Variants in RBFOX1 observed in about 807,000 individuals in gnomAD.
RBFOX1 encodes RNA binding protein fox-1 homolog 1.
Under a neutral mutation model 57.7 loss-of-function variants are expected in RBFOX1, and 8 were observed. That is an observed-to-expected ratio of 0.14 (90% CI 0.08 to 0.25). RBFOX1 has a LOEUF of 0.25. Among genes scored for constraint, RBFOX1 ranks in the 10% least tolerant of loss-of-function variants. The pLI, the probability that RBFOX1 is intolerant of heterozygous loss-of-function variation, is 1.00. For synonymous variants in RBFOX1, 326 were observed against 222.4 expected (o/e 1.47, Z -4.15); for missense variants, 611 against 548.5 (o/e 1.11, Z -1.14).
intron 3 of RBFOX1, among the ~76,000 whole-genome samples, chr16:5,793,328 T>C (rs2054767982): frequency 6.6e-6 from 1 of 152,242 alleles, no homozygotes; most frequent in South Asian, 2.1e-4. Flanking sequence ...TGTTTCTGTC[T>C]TTTCTTGTTT....
chr16:5,897,202 AT>A (rs1356926502), intron 4 of RBFOX1, among the ~76,000 whole-genome samples: 1 of 147,748 alleles, frequency 6.8e-6, no homozygotes, highest in African/African-American at 2.5e-5. Context: ...CGCCCGGCTA[AT>A]TTTTTCTATT....
rs57154832 is a variant in RBFOX1 at position 6,242,629 on chromosome 16, AACAC to A, written c.-126-74334_-126-74331del. Among the ~76,000 whole-genome samples the A allele has an allele frequency of 9.5e-4, 135 of 141,630 alleles. 1 individual carries two copies. The highest frequency in any genetic ancestry group is 3.3e-3 in the African/African-American group (125 of 38,192). 92.9% of individuals were successfully genotyped at this position (141,630 alleles called of 152,430 possible). On this transcript the variant is annotated intron_variant, in intron 1 of 15. Transcript: ENST00000550418. ...GTTTGAGAGAGGATAATTTATTGCA[AACAC>A]ACACACACACACACACACACACACA...
chr16:6,655,113 C>G (rs1040423861), intron 3 of RBFOX1, among the ~76,000 whole-genome samples: 1 of 151,626 alleles, frequency 6.6e-6, no homozygotes, highest in Non-Finnish European at 1.5e-5. Flanking sequence ...GTGGCTCATG[C>G]CTATAATCCC....
At chr16:5,294,177 T>G (rs1482117968) in intron 1 of RBFOX1, among the ~76,000 whole-genome samples, 1 of 152,068 alleles carries the variant, frequency 6.6e-6, no homozygotes, top group Admixed American at 6.6e-5. Context: ...TGCAGTGAGC[T>G]GAGATCACAC....
At chr16:7,083,362 C>G (rs1025028891) in intron 4 of RBFOX1, among the ~76,000 whole-genome samples, 9 of 151,934 alleles carry the variant, frequency 5.9e-5, no homozygotes, top group African/African-American at 1.9e-4. Context: ...ACCACATGTT[C>G]AAGCAGGTGG....
rs79297587 is a variant in RBFOX1 at position 5,774,670 on chromosome 16, C to T, written c.319-92633C>T. 7.1e-3 allele frequency among the ~76,000 whole-genome samples: 1,081 copies of T among 152,252 alleles called. 12 individuals are homozygous for T. The highest frequency in any genetic ancestry group is 0.025 in the African/African-American group (1,019 of 41,546). ...TACCAGCAGCATTTCCTTTCCTGTACACCAGAGGATTTTTTATTGGTTTAG... is the reference window on the plus strand; with the variant it reads ...TACCAGCAGCATTTCCTTTCCTGTATACCAGAGGATTTTTTATTGGTTTAG... On this transcript the variant is annotated intron_variant, in intron 3 of 19. Transcript: ENST00000641259.
At position 5,641,895 on chromosome 16, in the gene RBFOX1, C is replaced by T. The variant is rs531512976; in HGVS notation, c.318+42934C>T. Among the ~76,000 whole-genome samples the T allele has an allele frequency of 2.0e-5, 3 of 152,218 alleles. No individual in the cohort carries two copies. The South Asian group carries it at 6.2e-4, about 32-fold the overall frequency. ...TTCCTAGGATGCATAGGAGTTTGCT[C>T]AGGAGAAGGCTATGATGCATATGTC... On this transcript the variant is annotated intron_variant, in intron 3 of 19. Transcript: ENST00000641259.
chr16:5,962,954 C>T (rs563717954), intron 4 of RBFOX1, among the ~76,000 whole-genome samples: 1 of 151,402 alleles, frequency 6.6e-6, no homozygotes, highest in Non-Finnish European at 1.5e-5. Flanking sequence ...TCTTCTAATC[C>T]TTGGGAAGTA....
intron 3 of RBFOX1, among the ~76,000 whole-genome samples, chr16:6,878,572 C>T (rs917801699): frequency 3.3e-5 from 5 of 152,156 alleles, no homozygotes; most frequent in Admixed American, 2.6e-4. Flanking sequence ...TCACATGGCG[C>T]ATCCTGACTG....
intron 4 of RBFOX1, among the ~76,000 whole-genome samples, chr16:7,306,121 T>C (rs1375933962): frequency 6.6e-6 from 1 of 152,350 alleles, no homozygotes; most frequent in East Asian, 1.9e-4. Flanking sequence ...GCAAGTAGAA[T>C]GCTATAGGTA....
intron 2 of RBFOX1, among the ~76,000 whole-genome samples, chr16:6,369,562 T>C (rs2090140808): frequency 6.6e-6 from 1 of 152,182 alleles, no homozygotes; most frequent in African/African-American, 2.4e-5. Flanking sequence ...AGTGAAGAGA[T>C]CTTTCCATGT....
intron 3 of RBFOX1, among the ~76,000 whole-genome samples, chr16:6,749,250 G>A (rs892131807): frequency 6.6e-6 from 1 of 152,136 alleles, no homozygotes; most frequent in Non-Finnish European, 1.5e-5. Flanking sequence ...TCCCATCTGA[G>A]CCTGGGTTCC....
At chr16:7,288,860 T>G (rs143862341) in intron 4 of RBFOX1, among the ~76,000 whole-genome samples, 13 of 152,290 alleles carry the variant, frequency 8.5e-5, no homozygotes, top group African/African-American at 3.1e-4. Context: ...GTTGTTACTT[T>G]TTACAGTATT....
intron 3 of RBFOX1, among the ~76,000 whole-genome samples, chr16:6,717,669 A>G (rs1180908351): frequency 2.6e-5 from 4 of 151,724 alleles, no homozygotes; most frequent in African/African-American, 9.7e-5. Context: ...AAGTGTCTTC[A>G]GAGCTGACAA....
At chr16:6,537,161 C>A (rs546248964) in intron 2 of RBFOX1, among the ~76,000 whole-genome samples, 1 of 152,090 alleles carries the variant, frequency 6.6e-6, no homozygotes, top group South Asian at 2.1e-4. Context: ...AGGAATCTTC[C>A]TACAATGCAT....
chr16:7,110,754 G>A (rs1261611320), intron 4 of RBFOX1, among the ~76,000 whole-genome samples: 2 of 152,082 alleles, frequency 1.3e-5, no homozygotes, highest in Non-Finnish European at 2.9e-5. Context: ...TCTTAAAATT[G>A]TGCACGTAAT....
At chr16:5,319,077 A>G (rs2064323974) in intron 1 of RBFOX1, among the ~76,000 whole-genome samples, 1 of 152,200 alleles carries the variant, frequency 6.6e-6, no homozygotes, top group Non-Finnish European at 1.5e-5. Flanking sequence ...CGGTGAGCCG[A>G]GATCACGCCA....
chr16:6,951,288 G>T (rs2080707718), intron 3 of RBFOX1, among the ~76,000 whole-genome samples: 1 of 152,134 alleles, frequency 6.6e-6, no homozygotes, highest in Admixed American at 6.5e-5. Context: ...TGAGGGGTCA[G>T]TTTCAGCTGT....
chr16:7,106,897 T>C (rs1007353010), intron 4 of RBFOX1, among the ~76,000 whole-genome samples: 6 of 152,028 alleles, frequency 3.9e-5, no homozygotes, highest in Admixed American at 3.9e-4. Flanking sequence ...CCAGACACTA[T>C]TCTTGGCAGT....
Sources: gnomAD v4.1 joint callset for allele counts (sites outside exome capture counted in the v4.1 genomes callset) on GRCh38, gnomAD v4.1.1 for gene constraint, MANE v1.5 for transcripts, NCBI Gene and HGNC (gene_info 2026-07-23, HGNC 2026-07-21) for gene names.